LMX1B: variants seen among roughly 807,000 people sequenced by gnomAD.
LMX1B encodes LIM homeobox transcription factor 1-beta.
In LMX1B, 12 loss-of-function variants were observed where a neutral mutation model predicts 51.4. That is an observed-to-expected ratio of 0.23 (90% confidence interval 0.15 to 0.38). LMX1B has a LOEUF of 0.38. Ranked by LOEUF, LMX1B falls within the 10% of genes least tolerant of loss-of-function variation. The pLI, the probability that LMX1B is intolerant of heterozygous loss-of-function variation, is 1.00. For missense variants in LMX1B, 445 were observed against 571.1 expected (o/e 0.78, Z 2.25); for synonymous variants, 237 against 235.4 (o/e 1.01, Z -0.06).
intron 2 of LMX1B, among the ~76,000 whole-genome samples, chr9:126,634,186 G>C (rs534050630): frequency 1.3e-5 from 2 of 152,168 alleles, no homozygotes; most frequent in East Asian, 3.9e-4. Flanking sequence ...GATAAGGAGC[G>C]GGCAGGGAAA....
intron 2 of LMX1B, among the ~76,000 whole-genome samples, chr9:126,649,149 C>T (rs966097900): frequency 6.6e-6 from 1 of 151,998 alleles, no homozygotes; most frequent in Non-Finnish European, 1.5e-5. Flanking sequence ...CAAATCTGTC[C>T]CCTTCTCTCC....
chr9:126,689,638 A>G (rs974722418), intron 2 of LMX1B, among the ~76,000 whole-genome samples: 45 of 152,274 alleles, frequency 3.0e-4, no homozygotes, highest in African/African-American at 1.1e-3. Context: ...ACAGCAGAGG[A>G]GGGGCCGTGC....
chr9:126,629,139 G>A (rs925577091), intron 2 of LMX1B, among the ~76,000 whole-genome samples: 7 of 152,048 alleles, frequency 4.6e-5, no homozygotes, highest in Non-Finnish European at 7.4e-5. Context: ...TTTTCTAAGC[G>A]TTCCAGCTGC....
In LMX1B at chr9:126,693,761, C is replaced by T. The variant is rs1390517239; in HGVS notation, c.835C>T (p.Arg279Trp). The change falls in exon 6 of 8, where the codon CGG (arginine) becomes TGG (tryptophan). Residue 279 changes from arginine (R) to tryptophan (W), a missense_variant. Coordinates refer to ENST00000373474, the MANE Select transcript of LMX1B (RefSeq NM_001174147.2). ...NQRAKMKKLA[R>W]RHQQQQEQQN... ...CTCCCTGCAGATGAAGAAGCTGGCG[C>T]GGCGGCACCAGCAGCAGCAGGAGCA... 5 of 1,540,336 alleles carry T rather than the reference C, an allele frequency of 3.2e-6. No individual in the cohort carries two copies. The highest frequency in any genetic ancestry group is 2.4e-5 in the East Asian group (1 of 41,958).
intron 2 of LMX1B, among the ~76,000 whole-genome samples, chr9:126,685,885 G>A (rs756464129): frequency 3.9e-5 from 6 of 152,144 alleles, no homozygotes; most frequent in Non-Finnish European, 8.8e-5. Flanking sequence ...ACTTGTGCAA[G>A]ATTCCAGTGC....
chr9:126,643,467 T>C (rs1281805615), intron 2 of LMX1B, among the ~76,000 whole-genome samples: 1 of 152,132 alleles, frequency 6.6e-6, no homozygotes, highest in African/African-American at 2.4e-5. Context: ...TGAACCTCCG[T>C]TGCCTCCTCT....
Position 126,696,752 on chromosome 9 carries a change from A to C in LMX1B, c.*301A>C. ...CCTCGGCCTCCATCGCCTCCTCCCC[A>C]TCTCTTTTTTGGGAAGCTTAAATTC... On this transcript the variant is annotated 3_prime_UTR_variant, in exon 8 of 8. Transcript: ENST00000373474. 1.4e-5 allele frequency: 7 copies of C among 489,074 alleles called. No homozygotes were observed. The highest frequency in any genetic ancestry group is 2.0e-5 in the African/African-American group (1 of 51,202). 30.3% of individuals were successfully genotyped at this position (489,074 alleles called of 1,614,324 possible).
At chr9:126,644,326 G>A (rs779371344) in intron 2 of LMX1B, among the ~76,000 whole-genome samples, 33 of 152,252 alleles carry the variant, frequency 2.2e-4, no homozygotes, top group African/African-American at 6.3e-4. Context: ...GCTATTGATC[G>A]ACCGACTGGC....
intron 2 of LMX1B, among the ~76,000 whole-genome samples, chr9:126,638,222 C>T (rs1354401698): frequency 2.0e-5 from 3 of 152,156 alleles, no homozygotes; most frequent in Admixed American, 6.5e-5. Flanking sequence ...AGGAATGCTC[C>T]GGTGGGGGTG....
intron 2 of LMX1B, among the ~76,000 whole-genome samples, chr9:126,676,391 C>T (rs371840993): frequency 6.6e-6 from 1 of 152,184 alleles, no homozygotes; most frequent in Non-Finnish European, 1.5e-5. Context: ...TCGCTGCTGT[C>T]CCCAGCACCC....
intron 2 of LMX1B, among the ~76,000 whole-genome samples, chr9:126,645,952 A>G (rs1328542424): frequency 6.6e-6 from 1 of 152,168 alleles, no homozygotes; most frequent in Non-Finnish European, 1.5e-5. Context: ...CAGTGAGGGT[A>G]GGGCCTGCTC....
intron 2 of LMX1B, among the ~76,000 whole-genome samples, chr9:126,629,308 G>A (rs1449481227): frequency 2.6e-5 from 4 of 152,222 alleles, no homozygotes; most frequent in Non-Finnish European, 4.4e-5. Flanking sequence ...GAGCATGCAC[G>A]ACAGCAGCAG....
chr9:126,666,574 G>A (rs76847073), intron 2 of LMX1B, among the ~76,000 whole-genome samples: 7 of 131,894 alleles, frequency 5.3e-5, no homozygotes, highest in African/African-American at 2.0e-4. Flanking sequence ...GTTGTTAATA[G>A]CAATGCTAAT....
chr9:126,673,801 G>A lies in LMX1B; in HGVS notation c.327-17035G>A, dbSNP rs563310809. Reference sequence around the variant, plus strand: ...GTGGTGGGAGGGGCCGGGGTGGAGGGCGCATCCCCACGGGGAGATTGGATG... The same window carrying A: ...GTGGTGGGAGGGGCCGGGGTGGAGGACGCATCCCCACGGGGAGATTGGATG... On this transcript the variant is annotated intron_variant, in intron 2 of 7. Coordinates refer to ENST00000373474, the MANE Select transcript of LMX1B (RefSeq NM_001174147.2). This position sits in a 1 kb window ranked among gnomAD's most constrained non-coding sequence, Gnocchi z 4.4. Among the ~76,000 whole-genome samples the A allele has an allele frequency of 1.3e-3, 204 of 152,246 alleles. 1 individual carries two copies. Among genetic ancestry groups the A allele is most frequent in the Non-Finnish European group, 2.4e-3 (166 of 68,002 alleles).
chr9:126,686,279 C>CAAAAAAAAA (rs5900718), intron 2 of LMX1B, among the ~76,000 whole-genome samples: 1 of 93,890 alleles, frequency 1.1e-5, no homozygotes, highest in African/African-American at 4.3e-5. Context: ...GACTCCATCT[C>CAAAAAAAAA]AAAAAAAAAA....
At chr9:126,670,699 G>A (rs1836433124) in intron 2 of LMX1B, among the ~76,000 whole-genome samples, 2 of 152,208 alleles carry the variant, frequency 1.3e-5, no homozygotes, top group Admixed American at 1.3e-4. Flanking sequence ...GGTGCTGTGG[G>A]TGGCAGTACA....
In LMX1B at chr9:126,696,310, C is replaced by G; in HGVS notation, c.1068C>G (p.Phe356Leu). 6.2e-7 allele frequency: 1 copy of G among 1,614,094 alleles called. No homozygotes were observed. Among genetic ancestry groups the G allele is most frequent in the Non-Finnish European group, 8.5e-7 (1 of 1,179,968 alleles). ...HMNPYGNDSI[F>L]HDIDSDTSLT... Reference sequence around the variant, plus strand: ...GCCCCCCAGGGAACGACTCCATCTTCCATGACATCGACAGCGATACCTCCT... The same window carrying G: ...GCCCCCCAGGGAACGACTCCATCTTGCATGACATCGACAGCGATACCTCCT... The change falls in exon 8 of 8, where the codon TTC becomes TTG. Residue 356 changes from phenylalanine (F) to leucine (L), a missense_variant. Physicochemically the swap from Phe to Leu is conservative, Grantham distance 22. Around this residue, in one of 3 missense-constraint regions of LMX1B, gnomAD observed 162 missense variants for 187.8 expected, o/e 0.86. Transcript: ENST00000373474.
At chr9:126,619,265 T>C (rs991148009) in intron 2 of LMX1B, among the ~76,000 whole-genome samples, 1 of 152,192 alleles carries the variant, frequency 6.6e-6, no homozygotes, top group African/African-American at 2.4e-5. Flanking sequence ...AAAGACCTTC[T>C]TGGGAGGCTC....
At chr9:126,691,248 G>A (rs1477091408) in intron 3 of LMX1B, among the ~76,000 whole-genome samples, 180 bp downstream of exon 3, 4 of 152,096 alleles carry the variant, frequency 2.6e-5, no homozygotes, top group Non-Finnish European at 5.9e-5. Flanking sequence ...CACATGATAC[G>A]AACATGCATC....
Sources: allele counts gnomAD v4.1 joint callset (sites outside exome capture counted in the v4.1 genomes callset), GRCh38; gene constraint gnomAD v4.1.1; regional missense constraint gnomAD v4.1.1; non-coding constraint Gnocchi (gnomAD v3.1); transcripts MANE v1.5; gene names NCBI Gene and HGNC (gene_info 2026-07-23, HGNC 2026-07-21).